The following TJAP1 variants were observed in gnomAD, a reference collection of about 807,000 sequenced individuals.
TJAP1 encodes tight junction associated protein 1.
TJAP1 carries 27 observed loss-of-function variants against 42.0 expected under a neutral mutation model. The ratio of observed to expected loss-of-function variants is 0.64; its 90% confidence interval spans 0.47 to 0.89. The LOEUF (loss-of-function observed/expected upper bound fraction) is 0.89. Ranked by LOEUF, TJAP1 falls within the 40% of genes least tolerant of loss-of-function variation. TJAP1 has a pLI of 0.00. For missense variants in TJAP1, 712 were observed against 726.9 expected (o/e 0.98, Z 0.24); for synonymous variants, 257 against 288.4 (o/e 0.89, Z 1.10).
intron 2 of TJAP1, among the ~76,000 whole-genome samples, chr6:43,481,428 A>G (rs185030018): frequency 2.0e-5 from 3 of 152,188 alleles, no homozygotes; most frequent in African/African-American, 7.2e-5. Flanking sequence ...GATTAGCCGT[A>G]GTAAATATTA....
At chr6:43,503,975 G>C (rs1393252669) in intron 10 of TJAP1, 1 of 669,692 alleles carries the variant, frequency 1.5e-6, no homozygotes. Context: ...GGAGAGGGTA[G>C]TCAGAGCTAT....
At chr6:43,503,377 G>A (rs1416816300) in intron 8 of TJAP1, 24 bp from the exon 9 acceptor site, 1 of 1,596,854 alleles carries the variant, frequency 6.3e-7, no homozygotes, top group East Asian at 2.2e-5. Context: ...TGTGGGCTGG[G>A]TTAACCTCAA....
rs1792031264 is a variant in TJAP1, at chr6:43,505,201, G to C, written c.1020G>C (p.Arg340=). Residue 340 remains arginine, a synonymous_variant, in exon 11 of 11, where the codon CGG becomes CGC. Coordinates refer to ENST00000372449, the Ensembl canonical transcript of TJAP1. The surrounding 1 kb of genome is among the most constrained non-coding windows in gnomAD (Gnocchi z 5.5). ...TAGAGTTCTCTGAGGATAAGGTTCG[G>C]ATCCCCCGCAACAGCCCCCTGCCCA... The C allele has an allele frequency of 6.2e-7, 1 of 1,614,172 alleles. No homozygotes were observed. Among genetic ancestry groups the C allele is most frequent in the Non-Finnish European group, 8.5e-7 (1 of 1,180,028 alleles).
At chr6:43,504,428 A>C in intron 10 of TJAP1, 1 of 304,788 alleles carries the variant, frequency 3.3e-6, no homozygotes, top group Non-Finnish European at 6.1e-6. Flanking sequence ...AAGTAGAGGT[A>C]TTTCTAAGGC....
intron 4 of TJAP1, chr6:43,500,508 A>T (rs891685030): frequency 5.4e-6 from 3 of 557,736 alleles, no homozygotes; most frequent in Non-Finnish European, 9.7e-6. Flanking sequence ...TTAGGATTGG[A>T]TTAAGGGTGA....
chr6:43,500,027 A>G (rs529359802), intron 4 of TJAP1, among the ~76,000 whole-genome samples: 9 of 152,344 alleles, frequency 5.9e-5, no homozygotes, highest in African/African-American at 1.4e-4. Flanking sequence ...GGACAAAGGA[A>G]GCCACCTACC....
At chr6:43,481,546 A>C (rs1256082838) in intron 2 of TJAP1, among the ~76,000 whole-genome samples, 3 of 150,784 alleles carry the variant, frequency 2.0e-5, no homozygotes, top group Non-Finnish European at 4.4e-5. Context: ...TAAAATTTGA[A>C]ACAATAAATA....
rs559655277 is a variant in TJAP1 at position 43,486,516 on chromosome 6, C to T, written c.-122+8284C>T. 4.5e-4 allele frequency among the ~76,000 whole-genome samples: 68 copies of T among 152,000 alleles called. No individual in the cohort carries two copies. The Middle Eastern group carries it at 0.01, about 23-fold the overall frequency. On this transcript the variant is annotated intron_variant, in intron 2 of 10. Coordinates refer to ENST00000372449, the Ensembl canonical transcript of TJAP1. Reference sequence around the variant, plus strand: ...GACTACAGGTGCCTGCCACCATGCCCGGCTAATTTTTGTGTTTTTAGTAGA... The same window carrying T: ...GACTACAGGTGCCTGCCACCATGCCTGGCTAATTTTTGTGTTTTTAGTAGA...
intron 4 of TJAP1, 166 bp from the exon 5 acceptor site, chr6:43,500,578 C>A: frequency 4.4e-6 from 3 of 675,434 alleles, no homozygotes; most frequent in Non-Finnish European, 5.3e-6. Flanking sequence ...CGAGGCTTGT[C>A]CCAGCATTAC....
chr6:43,505,715 A>T lies in TJAP1; in HGVS notation c.1534A>T (p.Thr512Ser). 1 of 1,576,880 alleles carries T rather than the reference A, an allele frequency of 6.3e-7. No individual in the cohort carries two copies. The highest frequency in any genetic ancestry group is 1.2e-5 in the South Asian group (1 of 86,438). Residue 512 changes from threonine (T) to serine (S), a missense_variant, in exon 11 of 11, where the codon ACT becomes TCT. Transcript: ENST00000372449. The surrounding 1 kb of genome is among the most constrained non-coding windows in gnomAD (Gnocchi z 5.5). ...CAGGGGCACAGAGGAGGGGCCAGGCACTTCCCACACCGAGGGCAGGGCCTG... is the reference window on the plus strand; with the variant it reads ...CAGGGGCACAGAGGAGGGGCCAGGCTCTTCCCACACCGAGGGCAGGGCCTG...
intron 10 of TJAP1, chr6:43,503,909 G>C: frequency 1.4e-6 from 1 of 710,980 alleles, no homozygotes; most frequent in Non-Finnish European, 2.6e-6. Context: ...AGTTCTGGGG[G>C]GCCAGCCCTG....
At chr6:43,499,038 A>G (rs1789898658) in exon 4 of TJAP1, 1 of 1,614,048 alleles carries the variant, frequency 6.2e-7, no homozygotes, top group South Asian at 1.1e-5. Context: ...ACCCTACCGT[A>G]AGGCACCACC....
intron 6 of TJAP1, among the ~76,000 whole-genome samples, chr6:43,501,895 A>C (rs1222120340): frequency 2.3e-5 from 2 of 88,430 alleles, no homozygotes; most frequent in Admixed American, 1.0e-4. Context: ...GCGGGGCCAC[A>C]CACACACACA....
chr6:43,501,456 T>G, intron 5 of TJAP1, 70 bp from the exon 6 acceptor site: 1 of 1,447,836 alleles, frequency 6.9e-7, no homozygotes, highest in Non-Finnish European at 9.4e-7. Context: ...CTGAGCCCAC[T>G]CTGGAGCTCC....
chr6:43,490,445 G>A (rs1195051711), intron 2 of TJAP1, among the ~76,000 whole-genome samples: 1 of 152,228 alleles, frequency 6.6e-6, no homozygotes, highest in Non-Finnish European at 1.5e-5. Flanking sequence ...AGAGTGGGAA[G>A]GGACTTTTCT....
intron 2 of TJAP1, among the ~76,000 whole-genome samples, chr6:43,481,169 C>A (rs563156761): frequency 6.6e-6 from 1 of 151,984 alleles, no homozygotes; most frequent in South Asian, 2.1e-4. Context: ...TCATCACAAC[C>A]CTCTCCTTCC....
chr6:43,481,775 G>T (rs752459986), intron 2 of TJAP1, among the ~76,000 whole-genome samples: 3 of 152,108 alleles, frequency 2.0e-5, no homozygotes, highest in Non-Finnish European at 4.4e-5. Flanking sequence ...AGGTTTCATT[G>T]ACTGGCTTTC....
rs767085594 is a variant in TJAP1 at position 43,502,076 on chromosome 6, A to ACACACACACTCTCTCT, written c.291-206_291-205insACACACACTCTCTCTC. On this transcript the variant is annotated intron_variant, in intron 6 of 10. Coordinates refer to ENST00000372449, the Ensembl canonical transcript of TJAP1. ...CACACACACACACACACACACACAC[A>ACACACACACTCTCTCT]CTCTCTCTCTCTCTCTCTCTCTCTC... Among the ~76,000 whole-genome samples the ACACACACACTCTCTCT allele has an allele frequency of 1.6e-3, 111 of 68,952 alleles. 10 individuals carry two copies. Among genetic ancestry groups the ACACACACACTCTCTCT allele is most frequent in the African/African-American group, 7.7e-3 (101 of 13,112 alleles). 45.2% of individuals were successfully genotyped at this position (68,952 alleles called of 152,430 possible). A position where few individuals can be genotyped will look rare whatever the true frequency, so the allele number is the denominator to read the frequency against.
Position 43,492,118 on chromosome 6 carries a change from G to A in TJAP1, c.-121-5763G>A, listed in dbSNP as rs113449580. 3.9e-5 allele frequency among the ~76,000 whole-genome samples: 6 copies of A among 152,180 alleles called. No individual in the cohort carries two copies. The highest frequency in any genetic ancestry group is 1.4e-4 in the African/African-American group (6 of 41,432). ...AGCCCCTTGTTCCTGTGAAGTGTTT[G>A]TCTGGATGTGAGGCCAGGTGGATAG... On this transcript the variant is annotated intron_variant, in intron 2 of 10. Transcript: ENST00000372449. This position sits in a 1 kb window ranked among gnomAD's most constrained non-coding sequence, Gnocchi z 4.2.
Sources: gnomAD v4.1 joint callset for allele counts (sites outside exome capture counted in the v4.1 genomes callset) on GRCh38, gnomAD v4.1.1 for gene constraint, Gnocchi (gnomAD v3.1) non-coding constraint, MANE v1.5 for transcripts, NCBI Gene and HGNC (gene_info 2026-07-23, HGNC 2026-07-21) for gene names.